Variants in ATP9B observed in about 807,000 individuals in gnomAD.
ATP9B encodes ATPase phospholipid transporting 9B.
In ATP9B, 110 loss-of-function variants were observed where a neutral mutation model predicts 146.1. The observed-to-expected ratio is 0.75, with a 90% confidence interval of 0.65 to 0.88. ATP9B has a LOEUF of 0.88. Ranked by LOEUF, ATP9B falls within the 40% of genes least tolerant of loss-of-function variation. The pLI is 0.00. For missense variants in ATP9B, 1,499 were observed against 1,496.4 expected (o/e 1.00, Z -0.03); for synonymous variants, 604 against 569.7 (o/e 1.06, Z -0.86).
rs541851664 is a variant in ATP9B at position 79,120,546 on chromosome 18, G to C, written c.559-5721G>C. ...TAATAGAAGTGTAAATTGAAAATAA[G>C]TTGATTTCATTACATTTTTGTGTCT... On this transcript the variant is annotated intron_variant, in intron 4 of 29. Coordinates refer to ENST00000426216, the MANE Select transcript of ATP9B (RefSeq NM_198531.5). Among the ~76,000 whole-genome samples, 5 of 152,260 alleles carry C rather than the reference G, an allele frequency of 3.3e-5. No homozygotes were observed. The South Asian group carries it at 1.0e-3, about 32-fold the overall frequency.
chr18:79,285,794 A>G (rs896131424), intron 13 of ATP9B, among the ~76,000 whole-genome samples: 24 of 152,156 alleles, frequency 1.6e-4, no homozygotes, highest in Admixed American at 1.3e-4. Flanking sequence ...TAATTTTTGT[A>G]TAAGGTGTAA....
chr18:79,302,803 A>C (rs1280156988), intron 13 of ATP9B, among the ~76,000 whole-genome samples: 3 of 152,224 alleles, frequency 2.0e-5, no homozygotes, highest in African/African-American at 7.2e-5. Context: ...GCTAAGGATT[A>C]AACACATCTG....
At chr18:79,075,450 G>A (rs1568363867) in intron 1 of ATP9B, among the ~76,000 whole-genome samples, 1 of 152,240 alleles carries the variant, frequency 6.6e-6, no homozygotes, top group East Asian at 1.9e-4. Flanking sequence ...TCTTTTTAGA[G>A]TTTTATCAAT....
intron 14 of ATP9B, 46 bp from the exon 15 acceptor site, chr18:79,306,936 ATAGT>A (rs532497637): frequency 6.3e-7 from 1 of 1,597,446 alleles, no homozygotes; most frequent in Non-Finnish European, 8.6e-7. Flanking sequence ...TGTTAACTAG[ATAGT>A]TCTCTTTGCT....
Position 79,359,372 on chromosome 18 carries a change from C to T in ATP9B, c.2922C>T (p.Thr974=), listed in dbSNP as rs778219138. 2 of 1,613,710 alleles carry T rather than the reference C, an allele frequency of 1.2e-6. No individual in the cohort carries two copies. Among genetic ancestry groups the T allele is most frequent in the Non-Finnish European group, 1.7e-6 (2 of 1,179,684 alleles). The stretch of plus-strand genomic sequence containing the variant: ...CTTGCAGGTATGCCACCATATACAC[C>T]ATGTTCCCAGTGTTCTCCTTAGTGC... ...FLMVGYATIY[T]MFPVFSLVLD... is the part of the protein sequence containing the mutation. The change falls in exon 26 of 30, where the codon ACC becomes ACT. Residue 974 remains threonine, a synonymous_variant. Coordinates refer to ENST00000426216, the MANE Select transcript of ATP9B (RefSeq NM_198531.5).
intron 1 of ATP9B, among the ~76,000 whole-genome samples, chr18:79,083,698 G>A (rs752718205): frequency 6.6e-6 from 1 of 152,038 alleles, no homozygotes; most frequent in Non-Finnish European, 1.5e-5. Flanking sequence ...CGGGTGAGGC[G>A]ACACCCCACT....
intron 2 of ATP9B, among the ~76,000 whole-genome samples, chr18:79,109,707 A>T (rs1239223107): frequency 6.6e-6 from 1 of 151,950 alleles, no homozygotes; most frequent in Admixed American, 6.6e-5. Context: ...CTGGGATTAC[A>T]GGTGCCTGCC....
intron 9 of ATP9B, among the ~76,000 whole-genome samples, chr18:79,198,282 T>C (rs1426761570): frequency 2.6e-5 from 4 of 152,062 alleles, no homozygotes; most frequent in Admixed American, 6.5e-5. Flanking sequence ...ATGGTGCCTA[T>C]AAGAAAACAC....
intron 1 of ATP9B, among the ~76,000 whole-genome samples, chr18:79,092,587 A>G (rs2074422319): frequency 1.4e-5 from 2 of 148,120 alleles, no homozygotes; most frequent in African/African-American, 2.5e-5. Context: ...CTTTTTTTAT[A>G]TTCTAATTCT....
At chr18:79,114,785 C>T (rs1168963274) in intron 4 of ATP9B, among the ~76,000 whole-genome samples, 10 of 152,120 alleles carry the variant, frequency 6.6e-5, no homozygotes. Flanking sequence ...ATGCCGTGAG[C>T]TCCCCCATTA....
Position 79,345,558 on chromosome 18 carries a change from G to A in ATP9B, c.2603G>A (p.Arg868His), listed in dbSNP as rs926575952. The stretch of plus-strand genomic sequence containing the variant: ...CTGCTGCAGCAGCACACAGGGAGAC[G>A]CACCTGCGCCATCGGTGAGAGCCGC... ...VTLLQQHTGR[R>H]TCAIGDGGND... The change falls in exon 22 of 30, where the codon CGC becomes CAC. Residue 868 changes from arginine (R) to histidine (H), a missense_variant. Physicochemically the swap from Arg to His is conservative, Grantham distance 29. Transcript: ENST00000426216. 3.7e-6 allele frequency: 6 copies of A among 1,608,748 alleles called. No individual in the cohort carries two copies. Among genetic ancestry groups the A allele is most frequent in the African/African-American group, 2.7e-5 (2 of 74,944 alleles).
intron 13 of ATP9B, among the ~76,000 whole-genome samples, chr18:79,297,324 CCCAGAGAGGAGACAGAGATGACCCAG>C (rs1435918064): frequency 6.7e-6 from 1 of 149,834 alleles, no homozygotes; most frequent in African/African-American, 2.5e-5. Context: ...AGAGAGATGA[CCCAGAGAGGAGACAGAGATGACCCAG>C]CCAGAGAGGA....
At chr18:79,367,072 C>G (rs1288603559) in intron 26 of ATP9B, among the ~76,000 whole-genome samples, 30 of 143,242 alleles carry the variant, frequency 2.1e-4, no homozygotes, top group East Asian at 1.1e-3. Flanking sequence ...ATCTTCACCT[C>G]CACCGTGTGT....
intron 12 of ATP9B, among the ~76,000 whole-genome samples, chr18:79,259,600 A>G (rs987496499): frequency 3.3e-5 from 5 of 152,148 alleles, no homozygotes; most frequent in Non-Finnish European, 5.9e-5. Flanking sequence ...TCATTTACCA[A>G]GGGTCTAGCC....
At chr18:79,296,553 T>C (rs2096549368) in intron 13 of ATP9B, among the ~76,000 whole-genome samples, 1 of 152,204 alleles carries the variant, frequency 6.6e-6, no homozygotes, top group Non-Finnish European at 1.5e-5. Context: ...AAGAACTAAA[T>C]ATAGAAGGTA....
intron 26 of ATP9B, among the ~76,000 whole-genome samples, chr18:79,368,809 CCGTCGTTGGCACCCT>C (rs1162710660): frequency 1.3e-5 from 2 of 152,092 alleles, no homozygotes; most frequent in African/African-American, 4.8e-5. Context: ...CCAGCATACT[CCGTCGTTGGCACCCT>C]CGTCGTTGGC....
At chr18:79,226,254 C>T (rs577066189) in intron 11 of ATP9B, among the ~76,000 whole-genome samples, 1 of 152,354 alleles carries the variant, frequency 6.6e-6, no homozygotes, top group Admixed American at 6.5e-5. Context: ...TCCCATTGCT[C>T]TGTGGCGAGC....
intron 25 of ATP9B, 57 bp downstream of exon 25, chr18:79,348,253 A>C: frequency 5.4e-6 from 3 of 555,926 alleles, no homozygotes; most frequent in South Asian, 2.9e-5. Flanking sequence ...ATTTTGAAAA[A>C]AAAAAAAAAA....
intron 15 of ATP9B, among the ~76,000 whole-genome samples, chr18:79,319,016 G>C (rs773066498): frequency 1.1e-4 from 16 of 152,188 alleles, no homozygotes; most frequent in South Asian, 4.1e-4. Flanking sequence ...TCTGGGCACA[G>C]GGTCATCATG....
Sources: gnomAD v4.1 joint callset for allele counts (sites outside exome capture counted in the v4.1 genomes callset) on GRCh38, gnomAD v4.1.1 for gene constraint, MANE v1.5 for transcripts, NCBI Gene and HGNC (gene_info 2026-07-23, HGNC 2026-07-21) for gene names.